PARVA: variants seen among roughly 807,000 people sequenced by gnomAD.
The protein encoded by PARVA is parvin alpha.
A neutral mutation model predicts 52.6 loss-of-function variants in PARVA; 25 were observed. The ratio of observed to expected loss-of-function variants is 0.48; its 90% CI spans 0.35 to 0.66. The LOEUF is 0.66. Ranked by LOEUF, PARVA falls within the 30% of genes least tolerant of loss-of-function variation. The pLI is 0.01. For synonymous variants in PARVA, 185 were observed against 179.1 expected (o/e 1.03, Z -0.26); for missense variants, 373 against 450.9 (o/e 0.83, Z 1.56).
intron 1 of PARVA, among the ~76,000 whole-genome samples, chr11:12,395,177 C>T (rs959922557): frequency 5.3e-5 from 8 of 151,710 alleles, no homozygotes; most frequent in South Asian, 2.1e-4. Flanking sequence ...TTTTGATTCA[C>T]GTTTGGTTGA....
At chr11:12,509,687 T>C (rs1941482666) in intron 7 of PARVA, among the ~76,000 whole-genome samples, 1 of 152,212 alleles carries the variant, frequency 6.6e-6, no homozygotes, top group Non-Finnish European at 1.5e-5. Context: ...AAAGTGGCCT[T>C]TCCCAAGATG....
intron 5 of PARVA, among the ~76,000 whole-genome samples, chr11:12,502,647 C>T (rs1285249578): frequency 6.6e-6 from 1 of 151,922 alleles, no homozygotes; most frequent in Non-Finnish European, 1.5e-5. Flanking sequence ...AGAGAAAACT[C>T]CCAGGAGACA....
intron 7 of PARVA, among the ~76,000 whole-genome samples, chr11:12,510,713 A>G (rs1446640486): frequency 6.6e-6 from 1 of 152,104 alleles, no homozygotes; most frequent in Non-Finnish European, 1.5e-5. Context: ...ATCCTGATAA[A>G]CCCATGGGAT....
chr11:12,512,795 G>A (rs1337314019), intron 8 of PARVA, among the ~76,000 whole-genome samples: 1 of 152,052 alleles, frequency 6.6e-6, no homozygotes, highest in Non-Finnish European at 1.5e-5. Context: ...AGTTGAAGTG[G>A]CCTAGATCAC....
intron 8 of PARVA, 44 bp downstream of exon 8, chr11:12,511,577 G>A (rs893084487): frequency 6.2e-7 from 1 of 1,604,350 alleles, no homozygotes; most frequent in South Asian, 1.1e-5. Context: ...GGCTGCACTG[G>A]GGCTTTAGTT....
intron 7 of PARVA, among the ~76,000 whole-genome samples, chr11:12,509,200 G>A (rs1191103521): frequency 6.6e-6 from 1 of 150,508 alleles, no homozygotes; most frequent in African/African-American, 2.4e-5. Context: ...GGGTGAGTTT[G>A]TGATCCCGAG....
intron 1 of PARVA, among the ~76,000 whole-genome samples, chr11:12,433,595 C>T (rs1940345882): frequency 6.6e-6 from 1 of 152,080 alleles, no homozygotes; most frequent in Admixed American, 6.5e-5. Context: ...TTGCAAGTTG[C>T]TCATTCACAA....
chr11:12,525,166 G>A (rs570524400), intron 12 of PARVA, among the ~76,000 whole-genome samples: 1 of 152,296 alleles, frequency 6.6e-6, no homozygotes, highest in East Asian at 1.9e-4. Flanking sequence ...TAGGCAGGTC[G>A]GGTCAGGTTA....
chr11:12,441,771 T>C (rs10741590), intron 1 of PARVA, among the ~76,000 whole-genome samples: 124,296 of 152,226 alleles, frequency 0.82, 53,938 homozygotes, highest in East Asian at 1. Flanking sequence ...AAAACGACTA[T>C]ATTTTAATGA....
chr11:12,391,026 C>T (rs568506941), intron 1 of PARVA, among the ~76,000 whole-genome samples: 45 of 152,282 alleles, frequency 3.0e-4, no homozygotes, highest in Admixed American at 6.5e-4. Flanking sequence ...TGCCCAAGTT[C>T]CCAGAGAACA....
In PARVA at chr11:12,504,350, T is replaced by C; in HGVS notation, c.578T>C (p.Leu193Pro). 1 of 1,613,786 alleles carries C rather than the reference T, an allele frequency of 6.2e-7. No homozygotes were observed. The highest frequency in any genetic ancestry group is 2.2e-5 in the East Asian group (1 of 44,878). ...AAGAGCCTGGTGGCCATCTTACACCTGCTCGTTGCTCTGTCTCAGTATTTC... is the reference window on the plus strand; with the variant it reads ...AAGAGCCTGGTGGCCATCTTACACCCGCTCGTTGCTCTGTCTCAGTATTTC... ...HAKSLVAILH[L>P]LVALSQYFRA... is the part of the protein sequence containing the mutation. Residue 193 changes from leucine (L) to proline (P), a missense_variant, in exon 6 of 13, where the codon CTG becomes CCG. Leu to Pro is a moderately conservative substitution (Grantham distance 98). Coordinates refer to ENST00000334956, the MANE Select transcript of PARVA (RefSeq NM_018222.5).
intron 1 of PARVA, among the ~76,000 whole-genome samples, chr11:12,429,416 A>C (rs945844519): frequency 2.0e-5 from 3 of 152,214 alleles, no homozygotes; most frequent in African/African-American, 7.2e-5. Context: ...TTCCAGTAAA[A>C]AGTGTGTGTA....
At chr11:12,488,512 G>C (rs987520755) in intron 4 of PARVA, among the ~76,000 whole-genome samples, 2 of 152,138 alleles carry the variant, frequency 1.3e-5, no homozygotes, top group African/African-American at 4.8e-5. Context: ...ACACATACAG[G>C]GTCAGGAGAC....
At chr11:12,511,599 A>C in intron 8 of PARVA, 66 bp downstream of exon 8, 1 of 1,537,082 alleles carries the variant, frequency 6.5e-7, no homozygotes, top group Non-Finnish European at 9.0e-7. Context: ...ATTCCGCAGC[A>C]GCTGGGAGGA....
intron 10 of PARVA, among the ~76,000 whole-genome samples, chr11:12,516,251 C>T (rs1237083339): frequency 1.3e-5 from 2 of 152,346 alleles, no homozygotes; most frequent in South Asian, 2.1e-4. Flanking sequence ...ACTCTGGGCT[C>T]CTAAGGTGAT....
At chr11:12,473,340 C>A in intron 1 of PARVA, among the ~76,000 whole-genome samples, 1 of 152,198 alleles carries the variant, frequency 6.6e-6, no homozygotes, top group Non-Finnish European at 1.5e-5. Flanking sequence ...GCCTCAAACC[C>A]ATGACCCCAT....
At chr11:12,460,182 A>T (rs561426919) in intron 1 of PARVA, among the ~76,000 whole-genome samples, 1 of 152,240 alleles carries the variant, frequency 6.6e-6, no homozygotes, top group East Asian at 1.9e-4. Flanking sequence ...AACCTAATGG[A>T]CGAAACATTT....
In PARVA at chr11:12,523,171, A is replaced by G. The variant is rs61875589; in HGVS notation, c.1042+4654A>G. 4.1e-3 allele frequency among the ~76,000 whole-genome samples: 621 copies of G among 152,354 alleles called. 3 individuals carry two copies. Among genetic ancestry groups the G allele is most frequent in the Non-Finnish European group, 7.0e-3 (479 of 68,028 alleles). On this transcript the variant is annotated intron_variant, in intron 12 of 12. Coordinates refer to ENST00000334956, the MANE Select transcript of PARVA (RefSeq NM_018222.5). Reference sequence around the variant, plus strand: ...GCAAATGGCAAACTCACCACCAGATAGGGCAGTAGGTCACCACGAAAAGGA... The same window carrying G: ...GCAAATGGCAAACTCACCACCAGATGGGGCAGTAGGTCACCACGAAAAGGA...
At chr11:12,514,349 CAT>C (rs1489327421) in intron 10 of PARVA, among the ~76,000 whole-genome samples, 29 of 152,218 alleles carry the variant, frequency 1.9e-4, no homozygotes, top group Non-Finnish European at 1.5e-5. Flanking sequence ...AATGCTTGAG[CAT>C]ATGTCTCTCA....
Sources: gnomAD v4.1 joint callset for allele counts (sites outside exome capture counted in the v4.1 genomes callset) on GRCh38, gnomAD v4.1.1 for gene constraint, MANE v1.5 for transcripts, NCBI Gene and HGNC (gene_info 2026-07-23, HGNC 2026-07-21) for gene names.